SPOCD1: variants seen among roughly 807,000 people sequenced by gnomAD.
The protein encoded by SPOCD1 is SPOC domain-containing protein 1.
A neutral mutation model predicts 92.2 loss-of-function variants in SPOCD1; 64 were observed. The observed-to-expected ratio is 0.69, with a 90% CI of 0.57 to 0.86. The LOEUF (loss-of-function observed/expected upper bound fraction) is 0.86. Among genes scored for constraint, SPOCD1 ranks in the 40% least tolerant of loss-of-function variants. The pLI, the probability that SPOCD1 is intolerant of heterozygous loss-of-function variation, is 0.00. For synonymous variants in SPOCD1, 578 were observed against 619.3 expected (o/e 0.93, Z 0.99); for missense variants, 1,360 against 1,543.1 (o/e 0.88, Z 1.99).
At chr1:31,805,568 T>A (rs191344645) in intron 2 of SPOCD1, among the ~76,000 whole-genome samples, 23 of 151,466 alleles carry the variant, frequency 1.5e-4, no homozygotes, top group African/African-American at 4.4e-4. Flanking sequence ...CCTACCAAAA[T>A]TTTTTTTTAA....
In SPOCD1 at chr1:31,814,306, G is replaced by T. The variant is rs1188247848; in HGVS notation, c.1028C>A (p.Ala343Asp). Residue 343 changes from alanine (A) to aspartate (D), a missense_variant, in exon 2 of 16, where the codon GCT (alanine) becomes GAT (aspartate). Physicochemically the swap from Ala to Asp is moderately radical, Grantham distance 126 (BLOSUM62 -2). Coordinates refer to ENST00000360482, the MANE Select transcript of SPOCD1 (RefSeq NM_144569.7). This position sits in a 1 kb window ranked among gnomAD's most constrained non-coding sequence, Gnocchi z 4.2. ...GCTGCCAGTCCGCACGACACACACA[G>T]CTTCTTGCTGCTCTGCAGAGGCCTG... ...SAQASAEQQE[A>D]VCVVRTGSDE... 1 of 1,574,684 alleles carries T rather than the reference G, an allele frequency of 6.4e-7. No individual in the cohort carries two copies. Among genetic ancestry groups the T allele is most frequent in the Non-Finnish European group, 8.6e-7 (1 of 1,156,532 alleles).
chr1:31,798,187 C>T lies in SPOCD1; in HGVS notation c.2145+20G>A, dbSNP rs116100316. The T allele has an allele frequency of 8.8e-6, 14 of 1,596,964 alleles. No homozygotes were observed. Among genetic ancestry groups the T allele is most frequent in the South Asian group, 3.3e-5 (3 of 90,718 alleles). ...TGCCCCTACATCCCCTCACCCATCC[C>T]GACTGGGCTCAGCACTCACCCTTTT... On this transcript the variant is annotated intron_variant, in intron 9 of 15. Coordinates refer to ENST00000360482, the MANE Select transcript of SPOCD1 (RefSeq NM_144569.7). This position sits in a 1 kb window ranked among gnomAD's most constrained non-coding sequence, Gnocchi z 4.1.
In SPOCD1 at chr1:31,794,210, C is replaced by G; in HGVS notation, c.2297G>C (p.Ser766Thr). The G allele has an allele frequency of 6.2e-7, 1 of 1,613,882 alleles. No homozygotes were observed. Among genetic ancestry groups the G allele is most frequent in the African/African-American group, 1.3e-5 (1 of 75,032 alleles). ...LVGPQMFMDC[S>T]PQALPIASED... Reference sequence around the variant, plus strand: ...TGATGCGATGGGCAGGGCCTGTGGGCTGCAGTCCATGAACATCTGCGGTCC... The same window carrying G: ...TGATGCGATGGGCAGGGCCTGTGGGGTGCAGTCCATGAACATCTGCGGTCC... Residue 766 changes from serine to threonine, a missense_variant, in exon 11 of 16, where the codon AGC (serine) becomes ACC (threonine). This residue lies in a region of SPOCD1 where 614 missense variants were observed against 757.8 expected (regional missense o/e 0.81). Coordinates refer to ENST00000360482, the MANE Select transcript of SPOCD1 (RefSeq NM_144569.7).
At chr1:31,793,182 T>G in intron 13 of SPOCD1, 96 bp downstream of exon 13, 5 of 1,404,254 alleles carry the variant, frequency 3.6e-6, no homozygotes, top group Non-Finnish European at 4.8e-6. Context: ...TGCCCATGAA[T>G]TGTTTTAGAA....
intron 6 of SPOCD1, 94 bp from the exon 7 acceptor site, chr1:31,799,579 G>T: frequency 8.1e-7 from 1 of 1,236,794 alleles, no homozygotes; most frequent in East Asian, 2.5e-5. Context: ...GACAGGAGAG[G>T]GGTCCCACCC....
rs776560773 is a variant in SPOCD1, at chr1:31,814,461, T to G, written c.873A>C (p.Thr291=). The change falls in exon 2 of 16, where the codon ACA becomes ACC. Residue 291 remains threonine, a synonymous_variant. Transcript: ENST00000360482. The surrounding 1 kb of genome is among the most constrained non-coding windows in gnomAD (Gnocchi z 4.2). ...GTEKFGYLPA[T]GDGPQPGSPC... ...GGCTGCCTGGCTGGGGCCCATCCCC[T>G]GTAGCGGGCAAATATCCAAATTTCT... 6.3e-7 allele frequency: 1 copy of G among 1,586,520 alleles called. No individual in the cohort carries two copies.
In SPOCD1 at chr1:31,794,150, A is replaced by C; in HGVS notation, c.2357T>G (p.Leu786Ter). ...DTTGQHDHHF[L>*]DPNCHICKDW... ...CTTGCAGATGTGGCAGTTGGGGTCT[A>C]AGAAGTGGTGGTCATGCTGCCCCGT... Residue 786 changes from leucine (L) to a stop codon, truncating the protein, a stop_gained, in exon 11 of 16, where the codon TTA becomes TGA. Transcript: ENST00000360482. LOFTEE classifies it high-confidence loss of function. 1 of 1,613,848 alleles carries C rather than the reference A, an allele frequency of 6.2e-7. No homozygotes were observed. Among genetic ancestry groups the C allele is most frequent in the Non-Finnish European group, 8.5e-7 (1 of 1,179,924 alleles).
intron 14 of SPOCD1, 45 bp from the exon 15 acceptor site, chr1:31,792,446 G>T: frequency 6.3e-7 from 1 of 1,587,450 alleles, no homozygotes; most frequent in African/African-American, 1.3e-5. Context: ...GTCATCCTCT[G>T]CTCCTGCCAA....
Position 31,813,239 on chromosome 1 carries a change from T to A in SPOCD1, c.1383+712A>T, listed in dbSNP as rs539994020. On this transcript the variant is annotated intron_variant, in intron 2 of 15. Coordinates refer to ENST00000360482, the MANE Select transcript of SPOCD1 (RefSeq NM_144569.7). The stretch of plus-strand genomic sequence containing the variant: ...TTTAACACGAATTAAGCAATTTACC[T>A]TGTGCCTTGTGCTGTGCTAGGCACC... Among the ~76,000 whole-genome samples the A allele has an allele frequency of 5.2e-4, 79 of 152,348 alleles. No individual in the cohort carries two copies. The Middle Eastern group carries it at 0.01, about 20-fold the overall frequency.
chr1:31,813,662 G>A (rs1649347684), intron 2 of SPOCD1, among the ~76,000 whole-genome samples: 1 of 152,164 alleles, frequency 6.6e-6, no homozygotes, highest in South Asian at 2.1e-4. Context: ...ACCTAGAGAG[G>A]TTAAGAAAAC....
chr1:31,799,160 G>A (rs2149104472), intron 7 of SPOCD1, among the ~76,000 whole-genome samples: 1 of 152,336 alleles, frequency 6.6e-6, no homozygotes, highest in Middle Eastern at 3.4e-3. Flanking sequence ...GATGTGGATG[G>A]ACCTGAGCCG....
chr1:31,801,569 G>T (rs1648466220), intron 3 of SPOCD1, 95 bp downstream of exon 3: 5 of 1,144,478 alleles, frequency 4.4e-6, no homozygotes, highest in Non-Finnish European at 6.6e-6. Flanking sequence ...CTGGGTGGGG[G>T]TAGGATCTCC....
At position 31,792,246 on chromosome 1, in the gene SPOCD1, C is replaced by A. The variant is rs1214456664; in HGVS notation, c.2931G>T (p.Leu977=). 6.2e-7 allele frequency: 1 copy of A among 1,611,254 alleles called. No homozygotes were observed. The highest frequency in any genetic ancestry group is 8.5e-7 in the Non-Finnish European group (1 of 1,178,788). ...VLLPLPAFQP[L]PTRLRPLGGP... ...CCCCCAAAGGGCGCAGCCTGGTGGG[C>A]AGGGGCTGGAAGGCAGGCAGGGGCA... Residue 977 remains leucine, a synonymous_variant, in exon 15 of 16, where the codon CTG becomes CTT. Transcript: ENST00000360482.
Position 31,814,307 on chromosome 1 carries a change from C to A in SPOCD1, c.1027G>T (p.Ala343Ser). The change falls in exon 2 of 16, where the codon GCT becomes TCT. Residue 343 changes from alanine (A) to serine (S), a missense_variant. Physicochemically the swap from Ala to Ser is moderately conservative, Grantham distance 99. Transcript: ENST00000360482. This position sits in a 1 kb window ranked among gnomAD's most constrained non-coding sequence, Gnocchi z 4.2. ...SAQASAEQQE[A>S]VCVVRTGSDE... ...CTGCCAGTCCGCACGACACACACAG[C>A]TTCTTGCTGCTCTGCAGAGGCCTGT... is the stretch of plus-strand genomic sequence containing the variant. 6.4e-7 allele frequency: 1 copy of A among 1,574,792 alleles called. No individual in the cohort carries two copies. Among genetic ancestry groups the A allele is most frequent in the Non-Finnish European group, 8.6e-7 (1 of 1,156,584 alleles).
At chr1:31,796,377 C>T (rs1021298337) in intron 10 of SPOCD1, 6 of 712,792 alleles carry the variant, frequency 8.4e-6, no homozygotes, top group Middle Eastern at 3.9e-4. Context: ...GGAGGAGGAC[C>T]GACAGTGACA....
In SPOCD1 at chr1:31,793,440, G is replaced by C. The variant is rs1344448210; in HGVS notation, c.2535-12C>G. The stretch of plus-strand genomic sequence containing the variant: ...CAGATGGAGGGACCCTAGAGGGAGG[G>C]ACAGAAGACAGGGCCAGACAGAGCA... On this transcript the variant is annotated splice_polypyrimidine_tract_variant and intron_variant, in intron 12 of 15. Transcript: ENST00000360482. 1.3e-6 allele frequency: 2 copies of C among 1,581,584 alleles called. No individual in the cohort carries two copies. Among genetic ancestry groups the C allele is most frequent in the Non-Finnish European group, 1.7e-6 (2 of 1,163,482 alleles).
At chr1:31,807,938 A>T (rs1272575069) in intron 2 of SPOCD1, among the ~76,000 whole-genome samples, 1 of 152,232 alleles carries the variant, frequency 6.6e-6, no homozygotes, top group South Asian at 2.1e-4. Flanking sequence ...AAATTGATTC[A>T]AGAGAAAAAC....
chr1:31,793,230 G>A (rs1219349406), intron 13 of SPOCD1, 48 bp downstream of exon 13: 1 of 1,536,966 alleles, frequency 6.5e-7, no homozygotes, highest in Non-Finnish European at 8.8e-7. Context: ...GAGGCTGCCT[G>A]GGCTGGTCAG....
Position 31,801,674 on chromosome 1 carries a change from A to G in SPOCD1, c.1415T>C (p.Leu472Pro). Residue 472 changes from leucine to proline, a missense_variant, in exon 3 of 16, where the codon CTT becomes CCT. Leu to Pro is a moderately conservative substitution (Grantham distance 98). Coordinates refer to ENST00000360482, the MANE Select transcript of SPOCD1 (RefSeq NM_144569.7). Reference sequence around the variant, plus strand: ...AATGTAAAAACCTACGTAGCACACAAGCTTCACTCCATGGGGTATTTTCAC... The same window carrying G: ...AATGTAAAAACCTACGTAGCACACAGGCTTCACTCCATGGGGTATTTTCAC... Reference protein sequence around the residue: ...EEVKIPHGVKLVCYLGSGPVI... With the variant: ...EEVKIPHGVKPVCYLGSGPVI... 6.2e-7 allele frequency: 1 copy of G among 1,613,968 alleles called. No individual in the cohort carries two copies. Among genetic ancestry groups the G allele is most frequent in the South Asian group, 1.1e-5 (1 of 91,078 alleles).
Sources: gnomAD v4.1 joint callset for allele counts (sites outside exome capture counted in the v4.1 genomes callset) on GRCh38, gnomAD v4.1.1 for gene constraint, gnomAD v4.1.1 regional missense constraint, Gnocchi (gnomAD v3.1) non-coding constraint, MANE v1.5 for transcripts, NCBI Gene and HGNC (gene_info 2026-07-23, HGNC 2026-07-21) for gene names.